TECTA: variants seen among roughly 807,000 people sequenced by gnomAD.
TECTA encodes the protein tectorin alpha.
Under a neutral mutation model 216.8 loss-of-function variants are expected in TECTA, and 128 were observed. The ratio of observed to expected loss-of-function variants is 0.59; its 90% CI spans 0.51 to 0.68. The LOEUF is 0.68. Ranked by LOEUF, TECTA falls within the 30% of genes least tolerant of loss-of-function variation. The pLI, the probability that TECTA is intolerant of heterozygous loss-of-function variation, is 0.00. For synonymous variants in TECTA, 1,089 were observed against 1,117.1 expected (o/e 0.97, Z 0.50); for missense variants, 2,551 against 2,786.2 (o/e 0.92, Z 1.90).
intron 7 of TECTA, 26 bp from the exon 8 acceptor site, chr11:121,125,276 C>G (rs1361446109): frequency 6.2e-7 from 1 of 1,607,254 alleles, no homozygotes; most frequent in African/African-American, 1.3e-5. Context: ...TGCTCACCTG[C>G]CTTTCACTAT....
Position 121,117,133 on chromosome 11 carries a change from C to A in TECTA, c.791-1173C>A, listed in dbSNP as rs146820323. 7.2e-5 allele frequency among the ~76,000 whole-genome samples: 11 copies of A among 152,368 alleles called. No homozygotes were observed. In the East Asian group the frequency reaches 1.3e-3, roughly 19 times the overall value. ...AAAACTTGAGATGTTATTTACATTT[C>A]TTAATGCTGTGTCTTTGATACTTGC... On this transcript the variant is annotated intron_variant, in intron 6 of 23. Coordinates refer to ENST00000392793, the MANE Select transcript of TECTA (RefSeq NM_005422.4).
At chr11:121,152,320 T>C (rs1946898354) in intron 12 of TECTA, among the ~76,000 whole-genome samples, 1 of 152,230 alleles carries the variant, frequency 6.6e-6, no homozygotes, top group Non-Finnish European at 1.5e-5. Context: ...AGGCATCTAC[T>C]GATGATAAGC....
At chr11:121,121,857 G>A (rs151097757) in intron 7 of TECTA, among the ~76,000 whole-genome samples, 167 of 152,226 alleles carry the variant, frequency 1.1e-3, no homozygotes, top group African/African-American at 3.7e-3. Flanking sequence ...TACCAACATT[G>A]GGGAAGATTT....
At chr11:121,114,481 GATA>G (rs955079084) in intron 6 of TECTA, among the ~76,000 whole-genome samples, 3 of 152,150 alleles carry the variant, frequency 2.0e-5, no homozygotes, top group Non-Finnish European at 4.4e-5. Context: ...CAGAATTTCT[GATA>G]ATATTTCTAC....
At chr11:121,137,295 C>G (rs1946738851) in intron 10 of TECTA, 126 bp from the exon 11 acceptor site, 1 of 1,222,306 alleles carries the variant, frequency 8.2e-7, no homozygotes, top group African/African-American at 1.5e-5. Flanking sequence ...TACACAAATG[C>G]ATGCATGCAC....
rs772089648 is a variant in TECTA at position 121,168,882 on chromosome 11, C to G, written c.5956C>G (p.Arg1986Gly). ...CAACAAATGCTATGCCACACCCACC[C>G]GAGATAGCAATGATAAGCTCCGATA... Reference protein sequence around the residue: ...TLNKCYATPTRDSNDKLRYFI... With the variant: ...TLNKCYATPTGDSNDKLRYFI... The change falls in exon 20 of 24, where the codon CGA becomes GGA. Residue 1986 changes from arginine to glycine, a missense_variant. Physicochemically the swap from Arg to Gly is moderately radical, Grantham distance 125 (BLOSUM62 -2). Coordinates refer to ENST00000392793, the MANE Select transcript of TECTA (RefSeq NM_005422.4). 1 of 1,614,082 alleles carries G rather than the reference C, an allele frequency of 6.2e-7. No individual in the cohort carries two copies. The highest frequency in any genetic ancestry group is 1.7e-5 in the Admixed American group (1 of 60,024).
chr11:121,128,476 G>T, intron 9 of TECTA, 132 bp downstream of exon 9: 1 of 809,990 alleles, frequency 1.2e-6, no homozygotes, highest in Non-Finnish European at 1.9e-6. Flanking sequence ...CTCCAAACGG[G>T]AGCGTTTTCT....
At chr11:121,172,114 T>C (rs1267843862) in intron 20 of TECTA, among the ~76,000 whole-genome samples, 6 of 152,234 alleles carry the variant, frequency 3.9e-5, no homozygotes, top group African/African-American at 1.2e-4. Flanking sequence ...AAAGGGACAT[T>C]GAATTTTATC....
chr11:121,143,418 C>G (rs1200966197), intron 11 of TECTA, among the ~76,000 whole-genome samples: 4 of 152,200 alleles, frequency 2.6e-5, no homozygotes, highest in African/African-American at 9.6e-5. Context: ...ACTAGCCAAC[C>G]CCTCCTCCTC....
At chr11:121,137,379 T>G in intron 10 of TECTA, 42 bp from the exon 11 acceptor site, 1 of 1,613,442 alleles carries the variant, frequency 6.2e-7, no homozygotes, top group Non-Finnish European at 8.5e-7. Flanking sequence ...TCTCTGACTT[T>G]TGTCCTTTTC....
Position 121,181,711 on chromosome 11 carries a change from A to C in TECTA, c.6000-6121A>C, listed in dbSNP as rs560611174. Among the ~76,000 whole-genome samples the C allele has an allele frequency of 2.2e-3, 332 of 151,972 alleles. 1 individual carries two copies. The highest frequency in any genetic ancestry group is 4.1e-3 in the Non-Finnish European group (281 of 67,936). On this transcript the variant is annotated intron_variant, in intron 20 of 23. Coordinates refer to ENST00000392793, the MANE Select transcript of TECTA (RefSeq NM_005422.4). ...TCAAACTCACAACCTCAGGTGATCC[A>C]CCCACCTTGGCCTCACAAAGTGCTG...
intron 16 of TECTA, among the ~76,000 whole-genome samples, chr11:121,163,033 T>C (rs1234413944): frequency 1.3e-5 from 2 of 152,208 alleles, no homozygotes; most frequent in Non-Finnish European, 2.9e-5. Context: ...TAGACATACA[T>C]GTGTGTCCAT....
Position 121,137,922 on chromosome 11 carries a change from A to T in TECTA, c.3443A>T (p.Glu1148Val). ...FPKFVVTAKN[E>V]DRDPSLALWV... The stretch of plus-strand genomic sequence containing the variant: ...AAGTTTGTTGTCACAGCCAAGAATG[A>T]GGACCGGGACCCGTCACTGGCCTTG... Residue 1148 changes from glutamate (E) to valine (V), a missense_variant, in exon 11 of 24, where the codon GAG (glutamate) becomes GTG (valine). Glu to Val is a moderately radical substitution (Grantham distance 121). Coordinates refer to ENST00000392793, the MANE Select transcript of TECTA (RefSeq NM_005422.4). 2 of 1,604,604 alleles carry T rather than the reference A, an allele frequency of 1.2e-6. No homozygotes were observed. The highest frequency in any genetic ancestry group is 1.7e-6 in the Non-Finnish European group (2 of 1,172,184).
chr11:121,138,918 G>A (rs541623), intron 11 of TECTA, among the ~76,000 whole-genome samples: 48,261 of 152,018 alleles, frequency 0.32, 10,983 homozygotes, highest in African/African-American at 0.64. Flanking sequence ...TCTCTAAAGG[G>A]ACTCCTTTTC....
In TECTA at chr11:121,125,588, G is replaced by A; in HGVS notation, c.1490G>A (p.Trp497Ter). The A allele has an allele frequency of 1.2e-6, 2 of 1,613,962 alleles. No individual in the cohort carries two copies. Among genetic ancestry groups the A allele is most frequent in the Non-Finnish European group, 1.7e-6 (2 of 1,179,920 alleles). ...AGCTGGCGTGTGTACCACGCAGACT[G>A]GAAGTGCGACTCCGGCTGCGTCGAC... is the stretch of plus-strand genomic sequence containing the variant. The part of the protein sequence containing the change: ...GESWRVYHAD[W>*]KCDSGCVDNC... The change falls in exon 8 of 24, where the codon TGG (tryptophan) becomes TAG (stop). Residue 497 changes from tryptophan to a stop codon, truncating the protein, a stop_gained. Transcript: ENST00000392793. LOFTEE classifies it high-confidence loss of function.
chr11:121,107,226 C>T (rs768167639), intron 3 of TECTA, among the ~76,000 whole-genome samples: 3 of 152,210 alleles, frequency 2.0e-5, no homozygotes, highest in Non-Finnish European at 4.4e-5. Context: ...TGAGGACTTC[C>T]GTGCTGGAAG....
intron 17 of TECTA, 145 bp from the exon 18 acceptor site, chr11:121,166,433 A>G (rs1434001263): frequency 2.1e-5 from 17 of 815,226 alleles, no homozygotes; most frequent in Non-Finnish European, 2.9e-5. Context: ...ATTTGGTTTG[A>G]TCAAAGCATA....
chr11:121,177,708 A>T (rs181658105), intron 20 of TECTA, among the ~76,000 whole-genome samples: 2 of 152,318 alleles, frequency 1.3e-5, no homozygotes, highest in Admixed American at 6.5e-5. Context: ...CCCTTCAAAG[A>T]TGTCAGACAG....
rs367721294 is a variant in TECTA at position 121,118,270 on chromosome 11, T to C, written c.791-36T>C. 1.5e-4 allele frequency: 238 copies of C among 1,612,866 alleles called. 1 individual carries two copies. The highest frequency in any genetic ancestry group is 1.9e-4 in the Non-Finnish European group (225 of 1,179,698). On this transcript the variant is annotated intron_variant, in intron 6 of 23. Transcript: ENST00000392793. ...AATGCCTGGCACAGAGGGGAAATGC[T>C]CAGTAAATGTTGGCTCTAATGTCAT...
Sources: gnomAD v4.1 joint callset for allele counts (sites outside exome capture counted in the v4.1 genomes callset) on GRCh38, gnomAD v4.1.1 for gene constraint, MANE v1.5 for transcripts, NCBI Gene and HGNC (gene_info 2026-07-23, HGNC 2026-07-21) for gene names.